CDH12: variants seen among roughly 807,000 people sequenced by gnomAD.
CDH12 encodes the protein cadherin 12, also known as cadherin-12.
CDH12 carries 41 observed loss-of-function variants against 74.1 expected under a neutral mutation model. The observed-to-expected ratio is 0.55, with a 90% CI of 0.43 to 0.72. The LOEUF (loss-of-function observed/expected upper bound fraction) is 0.72. Among genes scored for constraint, CDH12 ranks in the 30% least tolerant of loss-of-function variants. The pLI, the probability that CDH12 is intolerant of heterozygous loss-of-function variation, is 0.00. For synonymous variants in CDH12, 399 were observed against 355.0 expected, an observed-to-expected ratio of 1.12 and a Z score of -1.39; for missense variants, 945 against 977.2, an observed-to-expected ratio of 0.97 and a Z score of 0.44.
rs114218238 is a variant in CDH12, at chr5:22,629,601, G to A, written c.-522-124237C>T. Among the ~76,000 whole-genome samples, 599 of 152,188 alleles carry A rather than the reference G, an allele frequency of 3.9e-3. 2 individuals are homozygous for A. The highest frequency in any genetic ancestry group is 0.014 in the African/African-American group (567 of 41,538). On this transcript the variant is annotated intron_variant, in intron 1 of 14. Coordinates refer to ENST00000382254, the MANE Select transcript of CDH12 (RefSeq NM_004061.5). ...ACCTTCAACCAACTGGGCATTGAAA[G>A]AACATACTTTACAATAATTAGATTC...
At chr5:22,336,079 T>C (rs1370023331) in intron 3 of CDH12, among the ~76,000 whole-genome samples, 1 of 152,156 alleles carries the variant, frequency 6.6e-6, no homozygotes, top group Non-Finnish European at 1.5e-5. Context: ...CAAAGGTGAC[T>C]CTTGTTATGT....
chr5:22,602,386 A>T (rs550916510), intron 1 of CDH12, among the ~76,000 whole-genome samples: 37 of 152,160 alleles, frequency 2.4e-4, no homozygotes, highest in Non-Finnish European at 4.4e-4. Context: ...ATTAAGGAAA[A>T]CTATCATTAG....
chr5:22,099,799 T>C (rs1415941209), intron 4 of CDH12, among the ~76,000 whole-genome samples: 2 of 152,224 alleles, frequency 1.3e-5, no homozygotes, highest in Non-Finnish European at 2.9e-5. Context: ...TAATTAGATG[T>C]CCTAGGTCCT....
At position 22,392,633 on chromosome 5, in the gene CDH12, C is replaced by T. The variant is rs534357766; in HGVS notation, c.-333+12624G>A. 2.5e-3 allele frequency among the ~76,000 whole-genome samples: 381 copies of T among 152,284 alleles called. 3 individuals are homozygous for T. Among genetic ancestry groups the T allele is most frequent in the Non-Finnish European group, 3.6e-3 (242 of 68,020 alleles). On this transcript the variant is annotated intron_variant, in intron 3 of 14. Transcript: ENST00000382254. ...CAGTGAGGCCAGAGAGGTATCCATG[C>T]TTCATCTCATTCAAGTCATTATTGA...
intron 10 of CDH12, among the ~76,000 whole-genome samples, chr5:21,801,634 C>T (rs1194798674): frequency 6.6e-6 from 1 of 152,170 alleles, no homozygotes; most frequent in East Asian, 1.9e-4. Flanking sequence ...ATTCATTTTA[C>T]TCTAGGACTG....
intron 3 of CDH12, among the ~76,000 whole-genome samples, chr5:22,314,551 T>C (rs1487911325): frequency 6.6e-6 from 1 of 152,206 alleles, no homozygotes; most frequent in Non-Finnish European, 1.5e-5. Flanking sequence ...AATACATTTC[T>C]GTTATTGAAG....
chr5:22,183,647 T>C (rs1004042659), intron 4 of CDH12, among the ~76,000 whole-genome samples: 1 of 152,144 alleles, frequency 6.6e-6, no homozygotes, highest in African/African-American at 2.4e-5. Context: ...TCACTAAGAA[T>C]TCTCCCTGAC....
intron 3 of CDH12, among the ~76,000 whole-genome samples, chr5:22,236,578 C>CA (rs1244940668): frequency 1.1e-4 from 16 of 151,810 alleles, no homozygotes; most frequent in African/African-American, 3.9e-4. Flanking sequence ...ACTAAAAATA[C>CA]AAAAAACACA....
intron 1 of CDH12, among the ~76,000 whole-genome samples, chr5:22,780,422 A>G (rs1194305440): frequency 6.6e-6 from 1 of 152,138 alleles, no homozygotes; most frequent in African/African-American, 2.4e-5. Flanking sequence ...TAATTGACTC[A>G]TATTTCTGCA....
At chr5:22,725,050 T>G (rs2126995403) in intron 1 of CDH12, among the ~76,000 whole-genome samples, 1 of 151,876 alleles carries the variant, frequency 6.6e-6, no homozygotes, top group African/African-American at 2.4e-5. Flanking sequence ...CTTATAGACT[T>G]TATGCATCAA....
At chr5:22,438,389 A>G (rs1242569624) in intron 2 of CDH12, among the ~76,000 whole-genome samples, 1 of 152,040 alleles carries the variant, frequency 6.6e-6, no homozygotes, top group Admixed American at 6.6e-5. Context: ...AGGAAGTGTT[A>G]TTGCGTGAAT....
At chr5:22,102,435 G>A (rs932139461) in intron 4 of CDH12, among the ~76,000 whole-genome samples, 12 of 152,108 alleles carry the variant, frequency 7.9e-5, no homozygotes, top group Middle Eastern at 3.2e-3. Context: ...TTGGGAGGCC[G>A]AAGCAAGTGG....
chr5:22,230,001 G>C (rs1334043856), intron 3 of CDH12, among the ~76,000 whole-genome samples: 7 of 152,076 alleles, frequency 4.6e-5, no homozygotes, highest in Admixed American at 3.9e-4. Context: ...TAAATAGTGA[G>C]AGTAGGACTA....
chr5:22,760,689 A>C (rs1220982188), intron 1 of CDH12, among the ~76,000 whole-genome samples: 33 of 151,176 alleles, frequency 2.2e-4, no homozygotes, highest in African/African-American at 6.1e-4. Context: ...AAAAAAAAAA[A>C]AAAAAAAAAA....
intron 6 of CDH12, among the ~76,000 whole-genome samples, chr5:21,881,271 A>G (rs897146624): frequency 6.6e-6 from 1 of 152,212 alleles, no homozygotes; most frequent in African/African-American, 2.4e-5. Context: ...AACAATATTT[A>G]TGGAGCTATT....
chr5:22,697,989 A>G (rs1031109006), intron 1 of CDH12, among the ~76,000 whole-genome samples: 3 of 151,896 alleles, frequency 2.0e-5, no homozygotes, highest in Non-Finnish European at 4.4e-5. Flanking sequence ...AAGAAAGTAA[A>G]TTTCTACTGT....
chr5:22,413,790 T>G (rs1179765779), intron 2 of CDH12, among the ~76,000 whole-genome samples: 1 of 152,032 alleles, frequency 6.6e-6, no homozygotes, highest in Non-Finnish European at 1.5e-5. Context: ...TTTTCCCGAT[T>G]TTTCAATTTG....
chr5:22,374,797 A>G (rs1427233229), intron 3 of CDH12, among the ~76,000 whole-genome samples: 1 of 152,124 alleles, frequency 6.6e-6, no homozygotes, highest in Non-Finnish European at 1.5e-5. Flanking sequence ...ACTAATGCAA[A>G]AAATTGAAGA....
intron 6 of CDH12, among the ~76,000 whole-genome samples, chr5:21,869,479 A>AT (rs1048510561): frequency 6.6e-6 from 1 of 152,094 alleles, no homozygotes; most frequent in African/African-American, 2.4e-5. Context: ...TTTTTTCTAT[A>AT]TTTTTTAGAA....
Sources: allele counts gnomAD v4.1 joint callset (sites outside exome capture counted in the v4.1 genomes callset), GRCh38; gene constraint gnomAD v4.1.1; transcripts MANE v1.5; gene names NCBI Gene and HGNC (gene_info 2026-07-23, HGNC 2026-07-21).